Variants in NOTCH2 observed in about 807,000 individuals in gnomAD.
NOTCH2 encodes the protein neurogenic locus notch homolog protein 2.
NOTCH2 carries 29 observed loss-of-function variants against 235.8 expected under a neutral mutation model. That is an observed-to-expected ratio of 0.12 (90% CI 0.09 to 0.17). NOTCH2 has a LOEUF of 0.17. Ranked by LOEUF, NOTCH2 falls within the 10% of genes least tolerant of loss-of-function variation. NOTCH2 has a pLI of 1.00. For synonymous variants in NOTCH2, 1,086 were observed against 1,141.5 expected (o/e 0.95, Z 0.98); for missense variants, 2,285 against 3,150.2 (o/e 0.73, Z 6.57).
Position 119,920,351 on chromosome 1 carries a change from C to T in NOTCH2, c.5357G>A (p.Arg1786Gln), listed in dbSNP as rs587634422. 2.5e-5 allele frequency: 41 copies of T among 1,614,146 alleles called. No individual in the cohort carries two copies. The highest frequency in any genetic ancestry group is 2.0e-4 in the East Asian group (9 of 44,888). Residue 1786 changes from arginine to glutamine, a missense_variant, in exon 30 of 34, where the codon CGA (arginine) becomes CAA (glutamine). Coordinates refer to ENST00000256646, the MANE Select transcript of NOTCH2 (RefSeq NM_024408.4). The stretch of plus-strand genomic sequence containing the variant: ...AAGGTGCTGCTGTGTCCATGGCCGT[C>T]GATCAATGGGGTCATCTTCTTCTGA... ...LLSEEDDPID[R>Q]RPWTQQHLEA...
Position 119,950,787 on chromosome 1 carries a change from T to G in NOTCH2, c.2416A>C (p.Asn806His). 1 of 1,614,192 alleles carries G rather than the reference T, an allele frequency of 6.2e-7. No homozygotes were observed. The highest frequency in any genetic ancestry group is 8.5e-7 in the Non-Finnish European group (1 of 1,180,008). ...IDECASNPCL[N>H]QGTCFDDISG... ...ATGTCATCAAAGCAGGTTCCTTGGT[T>G]CAGGCATGGATTTGAGGCACATTCA... The change falls in exon 15 of 34, where the codon AAC becomes CAC. Residue 806 changes from asparagine to histidine, a missense_variant. This residue lies in a region of NOTCH2 where 1,173 missense variants were observed against 1,515.3 expected (regional missense o/e 0.77). Coordinates refer to ENST00000256646, the MANE Select transcript of NOTCH2 (RefSeq NM_024408.4).
intron 5 of NOTCH2, among the ~76,000 whole-genome samples, chr1:119,977,185 CTTAT>C (rs1447367797): frequency 4.6e-5 from 7 of 152,194 alleles, no homozygotes; most frequent in South Asian, 2.1e-4. Flanking sequence ...TTAAGGTTCT[CTTAT>C]TTAAGTTATC....
chr1:119,959,406 G>A lies in NOTCH2; in HGVS notation c.2012C>T (p.Ser671Leu). ...DGINRYSCVC[S>L]PGFTGQRCNI... ...AGGAGCTTTACCTGTGAATCCTGGT[G>A]AGCAGACACAACTGTAGCGATTAAT... Residue 671 changes from serine (S) to leucine (L), a missense_variant, in exon 12 of 34, where the codon TCA (serine) becomes TTA (leucine). Coordinates refer to ENST00000256646, the MANE Select transcript of NOTCH2 (RefSeq NM_024408.4). 1.3e-6 allele frequency: 2 copies of A among 1,599,196 alleles called. No homozygotes were observed. The highest frequency in any genetic ancestry group is 1.7e-5 in the Admixed American group (1 of 60,004).
At chr1:120,000,824 G>A (rs1201623497) in intron 3 of NOTCH2, among the ~76,000 whole-genome samples, 16 of 152,062 alleles carry the variant, frequency 1.1e-4, no homozygotes, top group African/African-American at 1.9e-4. Context: ...TACCATCATC[G>A]TCATGATGGA....
chr1:120,063,812 A>T (rs1280354852), intron 1 of NOTCH2, among the ~76,000 whole-genome samples: 1 of 152,232 alleles, frequency 6.6e-6, no homozygotes, highest in Non-Finnish European at 1.5e-5. Context: ...CTCCAGATGC[A>T]CTGAATCAGA....
rs1297302262 is a variant in NOTCH2 at position 119,926,562 on chromosome 1, C to T, written c.3942G>A (p.Leu1314=). The T allele has an allele frequency of 6.2e-7, 1 of 1,609,906 alleles. No individual in the cohort carries two copies. Among genetic ancestry groups the T allele is most frequent in the South Asian group, 1.1e-5 (1 of 90,118 alleles). The change falls in exon 24 of 34, where the codon CTG becomes CTA. Residue 1314 remains leucine (L), a synonymous_variant. Coordinates refer to ENST00000256646, the MANE Select transcript of NOTCH2 (RefSeq NM_024408.4). ...FVDVCPQMPC[L]NGGTCAVASN... ...TGGCCACAGCACAAGTCCCTCCATT[C>T]AGGCAGGGCATCTGGGGACACACAT...
chr1:120,004,227 C>T (rs199506400), intron 3 of NOTCH2, among the ~76,000 whole-genome samples: 5,891 of 149,854 alleles, frequency 0.039, no homozygotes, highest in East Asian at 0.12. Context: ...GAGGAATAGA[C>T]AGGTGAAAGG....
At chr1:120,007,801 TG>T in intron 2 of NOTCH2, among the ~76,000 whole-genome samples, 1 of 150,318 alleles carries the variant, frequency 6.7e-6, no homozygotes, top group South Asian at 2.1e-4. Context: ...AATAGTTTCT[TG>T]TGTTGGTTTT....
At chr1:119,934,373 C>T (rs997709488) in intron 22 of NOTCH2, among the ~76,000 whole-genome samples, 3 of 152,134 alleles carry the variant, frequency 2.0e-5, no homozygotes, top group African/African-American at 7.2e-5. Flanking sequence ...AAATGAACTA[C>T]GATAACAGCT....
intron 27 of NOTCH2, 29 bp downstream of exon 27, chr1:119,922,607 C>CT: frequency 6.2e-7 from 1 of 1,613,610 alleles, no homozygotes; most frequent in Non-Finnish European, 8.5e-7. Context: ...TCCCCCGCCA[C>CT]CTTTCCCCTT....
In NOTCH2 at chr1:119,925,291, C is replaced by G; in HGVS notation, c.4511+14G>C. The G allele has an allele frequency of 6.2e-7, 1 of 1,613,164 alleles. No homozygotes were observed. The highest frequency in any genetic ancestry group is 8.5e-7 in the Non-Finnish European group (1 of 1,180,028). On this transcript the variant is annotated intron_variant, in intron 25 of 33. Coordinates refer to ENST00000256646, the MANE Select transcript of NOTCH2 (RefSeq NM_024408.4). ...GACAGTCCCCTTCAGTTCTGGAAAA[C>G]GTGAAGCCCTTACTTGCATGTCTTG... is the stretch of plus-strand genomic sequence containing the variant.
Position 120,069,414 on chromosome 1 carries a change from G to A in NOTCH2, c.-8C>T. The A allele has an allele frequency of 1.3e-6, 2 of 1,542,250 alleles. No homozygotes were observed. Among genetic ancestry groups the A allele is most frequent in the Non-Finnish European group, 1.7e-6 (2 of 1,152,046 alleles). On this transcript the variant is annotated 5_prime_UTR_variant, in exon 1 of 34. Transcript: ENST00000256646. ...GGGGCGCAGGGCGGGCATCTTCTCG[G>A]TCGCCTCCTCCTCCGCCGCCGCCGC...
intron 1 of NOTCH2, among the ~76,000 whole-genome samples, chr1:120,065,353 C>CAGGCATGGGCATTAGAAT (rs1655466902): frequency 1.3e-5 from 2 of 152,188 alleles, no homozygotes; most frequent in East Asian, 3.9e-4. Flanking sequence ...ATGCCAGGTA[C>CAGGCATGGGCATTAGAAT]AGGGGTAGGG....
intron 3 of NOTCH2, among the ~76,000 whole-genome samples, chr1:120,000,667 T>C (rs1297375870): frequency 6.7e-6 from 1 of 149,456 alleles, no homozygotes; most frequent in Non-Finnish European, 1.5e-5. Flanking sequence ...AAGGCATTAC[T>C]GTCATTTCCA....
In NOTCH2 at chr1:119,918,533, T is replaced by C. The variant is rs769157488; in HGVS notation, c.5802A>G (p.Val1934=). 1 of 1,614,120 alleles carries C rather than the reference T, an allele frequency of 6.2e-7. No individual in the cohort carries two copies. Among genetic ancestry groups the C allele is most frequent in the Non-Finnish European group, 8.5e-7 (1 of 1,180,016 alleles). ...GVFQILIRNR[V]TDLDARMNDG... is the part of the protein sequence containing the mutation. ...CATTCATCCTGGCATCTAGATCAGT[T>C]ACTCGGTTGCGAATCAGAATCTAGA... The change falls in exon 32 of 34, where the codon GTA becomes GTG. Residue 1934 remains valine (V), a synonymous_variant. Transcript: ENST00000256646.
Position 119,925,208 on chromosome 1 carries a change from C to G in NOTCH2, c.4511+97G>C, listed in dbSNP as rs972072092. 1.7e-5 allele frequency: 25 copies of G among 1,500,324 alleles called. No individual in the cohort carries two copies. In the African/African-American group the frequency reaches 3.2e-4, roughly 19 times the overall value. The allele number at this position is 1,500,324 out of a possible 1,614,324, so 92.9% of individuals were successfully genotyped here. A position where few individuals can be genotyped will look rare whatever the true frequency, so the allele number is the denominator to read the frequency against. ...GGCACCATCTGAAAAGCAGAGGCAG[C>G]TTAGGCTGAAGCACTGGAGTGGTTA... On this transcript the variant is annotated intron_variant, in intron 25 of 33. Transcript: ENST00000256646.
At chr1:119,928,398 C>G (rs949839731) in intron 23 of NOTCH2, among the ~76,000 whole-genome samples, 1 of 152,190 alleles carries the variant, frequency 6.6e-6, no homozygotes. Flanking sequence ...GGGTCCTAAG[C>G]TTCTCTGAGT....
At chr1:120,041,857 AAG>A (rs1654583093) in intron 1 of NOTCH2, among the ~76,000 whole-genome samples, 1 of 122,304 alleles carries the variant, frequency 8.2e-6, no homozygotes, top group Admixed American at 7.9e-5. Context: ...AGAGAAAAGA[AAG>A]AAAAGAAAAG....
chr1:120,029,209 C>T (rs1553210574), intron 2 of NOTCH2, among the ~76,000 whole-genome samples: 2 of 149,358 alleles, frequency 1.3e-5, no homozygotes, highest in African/African-American at 4.9e-5. Flanking sequence ...ATAATATTCA[C>T]ATATACTGGG....
Sources: gnomAD v4.1 joint callset for allele counts (sites outside exome capture counted in the v4.1 genomes callset) on GRCh38, gnomAD v4.1.1 for gene constraint, gnomAD v4.1.1 regional missense constraint, MANE v1.5 for transcripts, NCBI Gene and HGNC (gene_info 2026-07-23, HGNC 2026-07-21) for gene names.